C4orf50: variants seen among roughly 807,000 people sequenced by gnomAD.
The protein encoded by C4orf50 is uncharacterized protein C4orf50.
In C4orf50, 80 loss-of-function variants were observed where a neutral mutation model predicts 77.2. The observed-to-expected ratio is 1.04, with a 90% CI of 0.87 to 1.25. The LOEUF is 1.25. Ranked by LOEUF, C4orf50 falls within the 50% of genes most tolerant of loss-of-function variation. C4orf50 has a pLI of 0.00. For synonymous variants in C4orf50, 532 were observed against 465.3 expected, an observed-to-expected ratio of 1.14 and a Z score of -1.84; for missense variants, 1,257 against 1,152.9, an observed-to-expected ratio of 1.09 and a Z score of -1.31.
chr4:5,982,790 G>T (rs1006754813), intron 28 of C4orf50, among the ~76,000 whole-genome samples: 2 of 152,164 alleles, frequency 1.3e-5, no homozygotes, highest in African/African-American at 2.4e-5. Context: ...CAGCCTGGGG[G>T]TGGGGGGAAG....
In C4orf50 at chr4:5,976,333, G is replaced by A. The variant is rs534533347; in HGVS notation, c.3865-378C>T. Among the ~76,000 whole-genome samples the A allele has an allele frequency of 5.9e-5, 9 of 152,082 alleles. No homozygotes were observed. The South Asian group carries it at 6.2e-4, about 11-fold the overall frequency. On this transcript the variant is annotated intron_variant, in intron 29 of 33. Transcript: ENST00000531445. The stretch of plus-strand genomic sequence containing the variant: ...TAGCCAGGTGTGGTGGTGGGCACCT[G>A]TAGTCCCAGCTACTCAGGAGGCTGA...
intron 7 of C4orf50, among the ~76,000 whole-genome samples, chr4:5,941,965 C>T (rs17694785): frequency 0.53 from 81,185 of 151,986 alleles, 22,400 homozygotes; most frequent in Non-Finnish European, 0.58. Context: ...CCCAAAAGCG[C>T]CTCCAATTAT....
intron 25 of C4orf50, among the ~76,000 whole-genome samples, chr4:6,003,720 G>A (rs1721961271): frequency 6.8e-6 from 1 of 147,218 alleles, no homozygotes; most frequent in African/African-American, 2.5e-5. Context: ...ATGTGATGGT[G>A]ATGATGGTGA....
rs534217117 is a variant in C4orf50, at chr4:6,000,708, C to G, written c.964-6232G>C. On this transcript the variant is annotated intron_variant, in intron 25 of 33. Transcript: ENST00000531445. This position sits in a 1 kb window ranked among gnomAD's most constrained non-coding sequence, Gnocchi z 6.0. ...CACTCCCCAGCCCCTGTACTGAGCT[C>G]AGACTGGAGCCAAGCACACGCACCA... Among the ~76,000 whole-genome samples, 30 of 152,288 alleles carry G rather than the reference C, an allele frequency of 2.0e-4. 1 individual carries two copies. Among genetic ancestry groups the G allele is most frequent in the African/African-American group, 6.5e-4 (27 of 41,562 alleles).
intron 25 of C4orf50, among the ~76,000 whole-genome samples, chr4:6,002,644 A>G (rs955576387): frequency 6.6e-6 from 1 of 152,104 alleles, no homozygotes; most frequent in Non-Finnish European, 1.5e-5. Flanking sequence ...CTCCTGCCCC[A>G]GAGCTTCCCC....
In C4orf50 at chr4:6,002,287, G is replaced by A. The variant is rs547445628; in HGVS notation, c.963+5709C>T. 2.6e-5 allele frequency among the ~76,000 whole-genome samples: 4 copies of A among 152,298 alleles called. No homozygotes were observed. In the East Asian group the frequency reaches 7.7e-4, roughly 29 times the overall value. On this transcript the variant is annotated intron_variant, in intron 25 of 33. Transcript: ENST00000531445. The stretch of plus-strand genomic sequence containing the variant: ...AGATTGCCAGGAGCCACCAGAAGCT[G>A]GGTGTGGCAAGGAGCAGACTGTCCC...
chr4:5,982,718 A>G (rs1242010912), intron 28 of C4orf50, among the ~76,000 whole-genome samples: 1 of 151,956 alleles, frequency 6.6e-6, no homozygotes, highest in Non-Finnish European at 1.5e-5. Flanking sequence ...AGTTGGGAGG[A>G]GACACACATG....
At chr4:5,986,174 T>C (rs1720842172) in intron 28 of C4orf50, among the ~76,000 whole-genome samples, 1 of 152,184 alleles carries the variant, frequency 6.6e-6, no homozygotes, top group African/African-American at 2.4e-5. Flanking sequence ...CTAATTGATA[T>C]ACAACAATCA....
intron 25 of C4orf50, among the ~76,000 whole-genome samples, chr4:6,002,850 T>C (rs1018480742): frequency 2.0e-5 from 3 of 152,234 alleles, no homozygotes; most frequent in Admixed American, 6.5e-5. Flanking sequence ...TCCTTGGTTG[T>C]GTGACCCTGG....
chr4:5,945,044 TC>T (rs1718421647), intron 7 of C4orf50, among the ~76,000 whole-genome samples: 1 of 152,074 alleles, frequency 6.6e-6, no homozygotes, highest in South Asian at 2.1e-4. Flanking sequence ...TCCACGCCTG[TC>T]CCCACATTTC....
intron 28 of C4orf50, among the ~76,000 whole-genome samples, chr4:5,984,380 T>C (rs1203355665): frequency 1.3e-5 from 2 of 152,216 alleles, no homozygotes; most frequent in African/African-American, 4.8e-5. Flanking sequence ...ATGATCCAAA[T>C]ATTGGTGTTA....
intron 7 of C4orf50, among the ~76,000 whole-genome samples, chr4:5,917,813 T>C (rs564232414): frequency 1.3e-5 from 2 of 152,242 alleles, no homozygotes; most frequent in Admixed American, 1.3e-4. Flanking sequence ...ATTTCAGCTG[T>C]GCCCACCCCG....
chr4:5,986,315 GAAAT>G (rs1253450767), intron 28 of C4orf50, among the ~76,000 whole-genome samples: 1 of 152,142 alleles, frequency 6.6e-6, no homozygotes, highest in African/African-American at 2.4e-5. Flanking sequence ...TGACAGCAAT[GAAAT>G]AAAACTAGAA....
chr4:5,933,150 T>A (rs1348184523), intron 7 of C4orf50, among the ~76,000 whole-genome samples: 1 of 152,152 alleles, frequency 6.6e-6, no homozygotes, highest in East Asian at 1.9e-4. Context: ...TTTTCTTCCA[T>A]GTCATATCTT....
At chr4:5,953,204 A>G (rs1351964518), downstream of C4orf50, among the ~76,000 whole-genome samples, 2 of 152,162 alleles carry the variant, frequency 1.3e-5, no homozygotes, top group Admixed American at 6.5e-5. Flanking sequence ...CCTCTGCCTG[A>G]AGCAAAGCCT....
chr4:5,936,185 G>C (rs1718002542), intron 7 of C4orf50, among the ~76,000 whole-genome samples: 1 of 150,102 alleles, frequency 6.7e-6, no homozygotes, highest in Admixed American at 6.6e-5. Context: ...CAACAGTCTG[G>C]CTACAGAGTC....
rs1721462476 is a variant in C4orf50 at position 5,994,404 on chromosome 4, G to A, written c.1036C>T (p.Gln346Ter). Reference sequence around the variant, plus strand: ...GACCGCAGGGAGTTCCGCCAGTCTTGGCTTCTGCAGGGGTCCAGGGCCTCC... The same window carrying A: ...GACCGCAGGGAGTTCCGCCAGTCTTAGCTTCTGCAGGGGTCCAGGGCCTCC... The change falls in exon 26 of 34, where the codon CAA becomes TAA. Residue 346 changes from glutamine (Q) to a stop codon, truncating the protein, a stop_gained. Coordinates refer to ENST00000531445, the Ensembl canonical transcript of C4orf50. LOFTEE classifies it high-confidence loss of function. The A allele has an allele frequency of 5.0e-6, 2 of 399,098 alleles. No individual in the cohort carries two copies. The highest frequency in any genetic ancestry group is 2.5e-4 in the South Asian group (2 of 7,866). The allele number at this position is 399,098 out of a possible 1,614,324, so 24.7% of individuals were successfully genotyped here. A position where few individuals can be genotyped will look rare whatever the true frequency, so the allele number is the denominator to read the frequency against.
chr4:6,014,267 G>T (rs1722601290), intron 23 of C4orf50, among the ~76,000 whole-genome samples: 4 of 152,132 alleles, frequency 2.6e-5, no homozygotes, highest in Admixed American at 2.6e-4. Flanking sequence ...CTCCCAAAGT[G>T]CTGGGATTAC....
Position 6,017,096 on chromosome 4 carries a change from C to G in C4orf50, c.287+1049G>C, listed in dbSNP as rs1027692984. On this transcript the variant is annotated intron_variant, in intron 23 of 33. Coordinates refer to ENST00000531445, the Ensembl canonical transcript of C4orf50. The surrounding 1 kb of genome is among the most constrained non-coding windows in gnomAD (Gnocchi z 4.7). ...AGAGAAAGACCTGGATTCAAACGCC[C>G]CACCTTGAGGCCAGGTCAGCTCCAT... Among the ~76,000 whole-genome samples, 1 of 152,242 alleles carries G rather than the reference C, an allele frequency of 6.6e-6. No individual in the cohort carries two copies. Among genetic ancestry groups the G allele is most frequent in the African/African-American group, 2.4e-5 (1 of 41,464 alleles).
Sources: allele counts gnomAD v4.1 joint callset (sites outside exome capture counted in the v4.1 genomes callset), GRCh38; gene constraint gnomAD v4.1.1; non-coding constraint Gnocchi (gnomAD v3.1); transcripts MANE v1.5; gene names NCBI Gene and HGNC (gene_info 2026-07-23, HGNC 2026-07-21).